Variants in MINDY3 observed in about 807,000 individuals in gnomAD.
MINDY3 encodes ubiquitin carboxyl-terminal hydrolase MINDY-3.
Under a neutral mutation model 69.2 loss-of-function variants are expected in MINDY3, and 38 were observed. The ratio of observed to expected loss-of-function variants is 0.55; its 90% CI spans 0.42 to 0.72. The LOEUF (loss-of-function observed/expected upper bound fraction) is 0.72, where lower values mean the gene tolerates loss of function less well. Ranked by LOEUF, MINDY3 falls within the 30% of genes least tolerant of loss-of-function variation. The pLI is 0.00. For synonymous variants in MINDY3, 192 were observed against 180.1 expected (o/e 1.07, Z -0.53); for missense variants, 522 against 519.0 (o/e 1.01, Z -0.06).
At chr10:15,800,668 C>T (rs1045421866) in intron 10 of MINDY3, among the ~76,000 whole-genome samples, 3 of 152,110 alleles carry the variant, frequency 2.0e-5, no homozygotes, top group South Asian at 2.1e-4. Context: ...AAAGTCAGGA[C>T]GTAAGAAAAA....
intron 1 of MINDY3, among the ~76,000 whole-genome samples, chr10:15,853,077 C>A (rs1401568219): frequency 6.6e-6 from 1 of 151,952 alleles, no homozygotes; most frequent in Non-Finnish European, 1.5e-5. Flanking sequence ...AACCCACTAC[C>A]CCTCGAACAC....
chr10:15,842,221 A>C (rs1432206477), intron 3 of MINDY3, among the ~76,000 whole-genome samples: 1 of 151,898 alleles, frequency 6.6e-6, no homozygotes, highest in Non-Finnish European at 1.5e-5. Flanking sequence ...ACTCTCAAGA[A>C]GTAGTATTAC....
chr10:15,848,633 CAAAAAAAAAAAAAAAAA>C (rs10719399), intron 1 of MINDY3, among the ~76,000 whole-genome samples: 2 of 48,792 alleles, frequency 4.1e-5, no homozygotes, highest in African/African-American at 1.4e-4. Flanking sequence ...GACTTCATCT[CAAAAAAAAAAAAAAAAA>C]AAAAAAAAAA....
At chr10:15,847,820 T>C in intron 2 of MINDY3, 44 bp downstream of exon 2, 1 of 1,417,244 alleles carries the variant, frequency 7.1e-7, no homozygotes, top group Non-Finnish European at 1.0e-6. Context: ...TATGAAACGT[T>C]TCAAAATGTC....
At position 15,837,310 on chromosome 10, in the gene MINDY3, G is replaced by A. The variant is rs776784319; in HGVS notation, c.470C>T (p.Ser157Leu). 47 of 1,589,750 alleles carry A rather than the reference G, an allele frequency of 3.0e-5. No homozygotes were observed. Among genetic ancestry groups the A allele is most frequent in the Non-Finnish European group, 3.6e-5 (42 of 1,167,614 alleles). Residue 157 changes from serine (S) to leucine (L), a missense_variant, in exon 6 of 15, where the codon TCG (serine) becomes TTG (leucine). Transcript: ENST00000277632. ...TTTTAATTCTGGTAAACTTCTGAAC[G>A]ATCTTTTTCTGGGGGAAAAAAAGAA... The part of the protein sequence containing the change: ...ERFHALIQKR[S>L]FRSLPELKDA...
chr10:15,803,461 C>A lies in MINDY3; in HGVS notation c.883-7289G>T, dbSNP rs565309920. ...ACAAAACACTTCAGAGGTATAACTG[C>A]CGTATTTTTCTTATTGTACATAAAA... On this transcript the variant is annotated intron_variant, in intron 10 of 14. Coordinates refer to ENST00000277632, the MANE Select transcript of MINDY3 (RefSeq NM_024948.4). Among the ~76,000 whole-genome samples, 3 of 152,030 alleles carry A rather than the reference C, an allele frequency of 2.0e-5. No homozygotes were observed. The South Asian group carries it at 6.2e-4, about 32-fold the overall frequency.
intron 8 of MINDY3, among the ~76,000 whole-genome samples, chr10:15,833,350 T>C (rs1832858440): frequency 6.6e-6 from 1 of 152,186 alleles, no homozygotes; most frequent in South Asian, 2.1e-4. Context: ...TGTTTATACA[T>C]ATTAAGAGTC....
At chr10:15,824,067 C>T (rs529880039) in intron 8 of MINDY3, among the ~76,000 whole-genome samples, 8 of 152,284 alleles carry the variant, frequency 5.3e-5, no homozygotes, top group East Asian at 1.9e-4. Flanking sequence ...AGCTTTGCTA[C>T]TGTGAATGGT....
intron 14 of MINDY3, among the ~76,000 whole-genome samples, chr10:15,779,480 T>A (rs1039598221): frequency 1.3e-5 from 2 of 152,174 alleles, no homozygotes; most frequent in African/African-American, 4.8e-5. Flanking sequence ...CATATTTACA[T>A]ATAATTTATA....
At chr10:15,820,090 A>G (rs879316583) in intron 9 of MINDY3, among the ~76,000 whole-genome samples, 7 of 152,212 alleles carry the variant, frequency 4.6e-5, no homozygotes, top group Non-Finnish European at 1.0e-4. Context: ...ATTTAAAAAG[A>G]AAAGTAAACA....
At chr10:15,802,130 C>T (rs1588543778) in intron 10 of MINDY3, among the ~76,000 whole-genome samples, 1 of 151,722 alleles carries the variant, frequency 6.6e-6, no homozygotes, top group Non-Finnish European at 1.5e-5. Context: ...CAACAACTGG[C>T]TACTAGTAGT....
intron 2 of MINDY3, among the ~76,000 whole-genome samples, chr10:15,846,307 CA>C (rs774975329): frequency 6.6e-6 from 1 of 152,126 alleles, no homozygotes; most frequent in Non-Finnish European, 1.5e-5. Flanking sequence ...GCACTTGCAA[CA>C]AAAACCTTGC....
intron 2 of MINDY3, among the ~76,000 whole-genome samples, chr10:15,846,111 C>A (rs764557863): frequency 3.2e-4 from 49 of 152,262 alleles, no homozygotes; most frequent in Admixed American, 9.2e-4. Flanking sequence ...GCATGAGCCA[C>A]CACGCCTGGC....
At chr10:15,835,441 G>C (rs1448158936) in intron 6 of MINDY3, among the ~76,000 whole-genome samples, 2 of 152,008 alleles carry the variant, frequency 1.3e-5, no homozygotes, top group African/African-American at 4.8e-5. Flanking sequence ...AATCCCGCAG[G>C]GGGAAACAAA....
intron 13 of MINDY3, among the ~76,000 whole-genome samples, chr10:15,785,874 A>G (rs933662450): frequency 6.6e-6 from 1 of 152,196 alleles, no homozygotes; most frequent in Non-Finnish European, 1.5e-5. Context: ...GTCTATTGCA[A>G]CAATGAACTT....
intron 2 of MINDY3, among the ~76,000 whole-genome samples, chr10:15,847,639 T>C (rs1376092373): frequency 6.6e-6 from 1 of 152,180 alleles, no homozygotes; most frequent in Non-Finnish European, 1.5e-5. Context: ...ACGCCTATTA[T>C]TTTTCCTTGA....
intron 6 of MINDY3, 125 bp from the exon 7 acceptor site, chr10:15,834,741 A>G: frequency 9.7e-6 from 6 of 619,934 alleles, no homozygotes. Flanking sequence ...ACCACAAGTA[A>G]CTCAGATTTG....
chr10:15,846,763 G>A (rs1001687620), intron 2 of MINDY3, among the ~76,000 whole-genome samples: 26 of 145,396 alleles, frequency 1.8e-4, no homozygotes, highest in Non-Finnish European at 3.0e-4. Flanking sequence ...TCGCTCTGTC[G>A]CCCAGGCTGG....
chr10:15,859,591 AAG>A (rs1834941651), intron 1 of MINDY3, among the ~76,000 whole-genome samples: 1 of 152,166 alleles, frequency 6.6e-6, no homozygotes, highest in African/African-American at 2.4e-5. Context: ...CCGGCCGAGG[AAG>A]TACTATGATC....
Sources: allele counts gnomAD v4.1 joint callset (sites outside exome capture counted in the v4.1 genomes callset), GRCh38; gene constraint gnomAD v4.1.1; transcripts MANE v1.5; gene names NCBI Gene and HGNC (gene_info 2026-07-23, HGNC 2026-07-21).